GTF3C1: variants seen among roughly 807,000 people sequenced by gnomAD.
GTF3C1 encodes general transcription factor 3C polypeptide 1.
GTF3C1 carries 57 observed loss-of-function variants against 226.7 expected under a neutral mutation model. That is an observed-to-expected ratio of 0.25 (90% CI 0.20 to 0.31). GTF3C1 has a LOEUF of 0.31. Ranked by LOEUF, GTF3C1 falls within the 10% of genes least tolerant of loss-of-function variation. The probability of loss-of-function intolerance (pLI) is 1.00; values close to 1 mark genes in which losing one functional copy is unlikely to be tolerated. For synonymous variants in GTF3C1, 1,090 were observed against 1,084.8 expected, an observed-to-expected ratio of 1.00 and a Z score of -0.09; for missense variants, 2,217 against 2,776.1, an observed-to-expected ratio of 0.80 and a Z score of 4.53.
In GTF3C1 at chr16:27,507,330, A is replaced by T. The variant is rs187547991; in HGVS notation, c.1243-174T>A. On this transcript the variant is annotated intron_variant, in intron 8 of 36. Coordinates refer to ENST00000356183, the MANE Select transcript of GTF3C1 (RefSeq NM_001520.4). The surrounding 1 kb of genome is among the most constrained non-coding windows in gnomAD (Gnocchi z 4.9). ...TCCCTCCAGGCTCTTCCTCTCTGTA[A>T]TCCCCCAGGTCTTCCTTCCACAGAG... Among the ~76,000 whole-genome samples the T allele has an allele frequency of 6.6e-6, 1 of 151,736 alleles. No individual in the cohort carries two copies. Among genetic ancestry groups the T allele is most frequent in the Non-Finnish European group, 1.5e-5 (1 of 67,926 alleles).
At chr16:27,514,595 A>G (rs934918414) in intron 6 of GTF3C1, among the ~76,000 whole-genome samples, 2 of 151,972 alleles carry the variant, frequency 1.3e-5, no homozygotes, top group Non-Finnish European at 2.9e-5. Flanking sequence ...TGCTGCTCAC[A>G]TGAGCAACCT....
At chr16:27,521,213 C>T (rs533615035) in intron 6 of GTF3C1, among the ~76,000 whole-genome samples, 6 of 152,364 alleles carry the variant, frequency 3.9e-5, no homozygotes, top group Admixed American at 6.5e-5. Flanking sequence ...TCACCCTGTA[C>T]GGTCATTTCC....
Position 27,462,717 on chromosome 16 carries a change from G to A in GTF3C1, c.5925-231C>T. The A allele has an allele frequency of 1.9e-6, 1 of 515,826 alleles. No individual in the cohort carries two copies. Among genetic ancestry groups the A allele is most frequent in the Non-Finnish European group, 3.5e-6 (1 of 285,928 alleles). The allele number at this position is 515,826 out of a possible 1,614,324, so 32.0% of individuals were successfully genotyped here. On this transcript the variant is annotated intron_variant, in intron 35 of 36. Coordinates refer to ENST00000356183, the MANE Select transcript of GTF3C1 (RefSeq NM_001520.4). The surrounding 1 kb of genome is among the most constrained non-coding windows in gnomAD (Gnocchi z 4.5). ...ACGTGGTGTCCGCTCTGATGTAGCT[G>A]TAACTGAGGCCTCAGTGGGCCCACC...
intron 1 of GTF3C1, among the ~76,000 whole-genome samples, chr16:27,546,920 C>A (rs1279419974): frequency 6.6e-6 from 1 of 152,116 alleles, no homozygotes; most frequent in African/African-American, 2.4e-5. Flanking sequence ...GCACCTGCCA[C>A]CACACCCAGC....
chr16:27,514,939 GAC>G (rs1194954361), intron 6 of GTF3C1, among the ~76,000 whole-genome samples: 1 of 152,210 alleles, frequency 6.6e-6, no homozygotes, highest in Non-Finnish European at 1.5e-5. Context: ...GCAGCAGCAC[GAC>G]ACAGCACTTG....
At position 27,496,899 on chromosome 16, in the gene GTF3C1, T is replaced by C. The variant is rs116337197; in HGVS notation, c.2350+738A>G. Reference sequence around the variant, plus strand: ...CGAGTGCAAATGCTGTCTAGTTGCATGCACTCATGCTGCTGTTCCTCTTTC... The same window carrying C: ...CGAGTGCAAATGCTGTCTAGTTGCACGCACTCATGCTGCTGTTCCTCTTTC... On this transcript the variant is annotated intron_variant, in intron 14 of 36. Transcript: ENST00000356183. 7.0e-3 allele frequency among the ~76,000 whole-genome samples: 1,073 copies of C among 152,322 alleles called. 16 individuals are homozygous for C. The highest frequency in any genetic ancestry group is 0.025 in the African/African-American group (1,019 of 41,564).
chr16:27,505,776 G>T, intron 10 of GTF3C1, 123 bp downstream of exon 10: 1 of 661,904 alleles, frequency 1.5e-6, no homozygotes, highest in East Asian at 2.6e-5. Flanking sequence ...GCACAGGCAG[G>T]CCTCGGCACG....
intron 27 of GTF3C1, among the ~76,000 whole-genome samples, chr16:27,480,437 A>G (rs1473893226): frequency 1.3e-5 from 2 of 152,160 alleles, no homozygotes; most frequent in African/African-American, 2.4e-5. Context: ...GGTGAGACAT[A>G]CATTATCTGT....
rs921363063 is a variant in GTF3C1, at chr16:27,460,734, CTCT to C, written c.*613_*615del. 1 of 152,118 alleles carries C rather than the reference CTCT, an allele frequency of 6.6e-6. No individual in the cohort carries two copies. The highest frequency in any genetic ancestry group is 1.5e-5 in the Non-Finnish European group (1 of 68,032). 9.4% of individuals were successfully genotyped at this position (152,118 alleles called of 1,614,324 possible). ...CAAACAAAACCAAAACCTACAGGGA[CTCT>C]TCATTTCTGGCCTGCAAGGAATCAC... On this transcript the variant is annotated 3_prime_UTR_variant, in exon 37 of 37. Transcript: ENST00000356183.
At chr16:27,518,278 A>G (rs2141422210) in intron 6 of GTF3C1, among the ~76,000 whole-genome samples, 1 of 152,278 alleles carries the variant, frequency 6.6e-6, no homozygotes. Flanking sequence ...TTGCTGCAGC[A>G]CACACCCCAG....
chr16:27,480,374 A>G (rs2088024598), intron 27 of GTF3C1, among the ~76,000 whole-genome samples: 2 of 152,188 alleles, frequency 1.3e-5, no homozygotes, highest in Non-Finnish European at 2.9e-5. Flanking sequence ...TGGGCAAAGG[A>G]TATCAACTCT....
At chr16:27,534,448 A>T (rs2088969428) in intron 4 of GTF3C1, among the ~76,000 whole-genome samples, 1 of 152,186 alleles carries the variant, frequency 6.6e-6, no homozygotes, top group Non-Finnish European at 1.5e-5. Flanking sequence ...CCACTTCCCC[A>T]TCTGTACTGC....
intron 2 of GTF3C1, among the ~76,000 whole-genome samples, chr16:27,541,919 G>T (rs2089090090): frequency 6.6e-6 from 1 of 152,148 alleles, no homozygotes; most frequent in East Asian, 1.9e-4. Context: ...GGTAACTCTG[G>T]CCTATATCAC....
Position 27,464,478 on chromosome 16 carries a change from GC to G in GTF3C1, c.5713del (p.Ala1905GlnfsTer39), listed in dbSNP as rs1206383678. On this transcript the variant is annotated frameshift_variant, in exon 34 of 37. Transcript: ENST00000356183. LOFTEE classifies it high-confidence loss of function. ...PSLGPGAEDG[A>X]EAQAPSPPPA... ...GGGTGGAGATGGGGCCTGGGCTTCT[GC>G]CCCATCTTCAGCTCCGGGCCCAAGG... 2 of 1,562,826 alleles carry G rather than the reference GC, an allele frequency of 1.3e-6. No individual in the cohort carries two copies.
chr16:27,510,660 T>A (rs1173786878), intron 7 of GTF3C1, among the ~76,000 whole-genome samples: 2 of 152,198 alleles, frequency 1.3e-5, no homozygotes, highest in African/African-American at 2.4e-5. Flanking sequence ...CCAGAAAGGT[T>A]GGGCCGACCC....
rs2088260865 is a variant in GTF3C1, at chr16:27,493,309, T to A, written c.2779-13A>T. 1 of 1,436,850 alleles carries A rather than the reference T, an allele frequency of 7.0e-7. No homozygotes were observed. The highest frequency in any genetic ancestry group is 9.8e-7 in the Non-Finnish European group (1 of 1,017,698). 89.0% of individuals were successfully genotyped at this position (1,436,850 alleles called of 1,614,324 possible). The stretch of plus-strand genomic sequence containing the variant: ...CCAGGTTGTCCACCTGAAGAGGTGA[T>A]GTGCAGGTTCAGCTCGCCCTGAGGG... On this transcript the variant is annotated splice_polypyrimidine_tract_variant and intron_variant, in intron 16 of 36. Coordinates refer to ENST00000356183, the MANE Select transcript of GTF3C1 (RefSeq NM_001520.4).
Position 27,549,712 on chromosome 16 carries a change from T to C in GTF3C1, c.179A>G (p.Tyr60Cys), listed in dbSNP as rs766314361. The change falls in exon 1 of 37, where the codon TAT becomes TGT. Residue 60 changes from tyrosine (Y) to cysteine (C), a missense_variant. This residue lies in a region of GTF3C1 where 192 missense variants were observed against 251.8 expected (regional missense o/e 0.76). Coordinates refer to ENST00000356183, the MANE Select transcript of GTF3C1 (RefSeq NM_001520.4). Reference sequence around the variant, plus strand: ...GTCGGGTCGCTCCCGAGGCTCCTCATAGAAGCTGATGCCCGGGTGCGTGGC... The same window carrying C: ...GTCGGGTCGCTCCCGAGGCTCCTCACAGAAGCTGATGCCCGGGTGCGTGGC... Reference protein sequence around the residue: ...ALATHPGISFYEEPRERPDLQ... With the variant: ...ALATHPGISFCEEPRERPDLQ... 1.6e-5 allele frequency: 25 copies of C among 1,515,158 alleles called. No homozygotes were observed. In the Middle Eastern group the frequency reaches 6.2e-4, roughly 38 times the overall value. The allele number at this position is 1,515,158 out of a possible 1,614,324, so 93.9% of individuals were successfully genotyped here.
Position 27,501,257 on chromosome 16 carries a change from G to A in GTF3C1, c.1995C>T (p.Asn665=), listed in dbSNP as rs774442514. ...CKKSIVRLVR[N]LSEEGLLRLY... ...ATCGCAAGAGACCTTCCTCAGACAGGTTCCGCACCAAGCGGACAATGGACT... is the reference window on the plus strand; with the variant it reads ...ATCGCAAGAGACCTTCCTCAGACAGATTCCGCACCAAGCGGACAATGGACT... Residue 665 remains asparagine, a synonymous_variant, in exon 12 of 37, where the codon AAC becomes AAT. Coordinates refer to ENST00000356183, the MANE Select transcript of GTF3C1 (RefSeq NM_001520.4). The A allele has an allele frequency of 1.9e-6, 3 of 1,613,926 alleles. No homozygotes were observed. Among genetic ancestry groups the A allele is most frequent in the Non-Finnish European group, 2.5e-6 (3 of 1,179,814 alleles).
chr16:27,535,204 T>C (rs190240835), intron 4 of GTF3C1, among the ~76,000 whole-genome samples: 2 of 152,354 alleles, frequency 1.3e-5, no homozygotes, highest in East Asian at 3.9e-4. Flanking sequence ...CACAGTGTAC[T>C]ACTGTTAATA....
Sources: gnomAD v4.1 joint callset for allele counts (sites outside exome capture counted in the v4.1 genomes callset) on GRCh38, gnomAD v4.1.1 for gene constraint, gnomAD v4.1.1 regional missense constraint, Gnocchi (gnomAD v3.1) non-coding constraint, MANE v1.5 for transcripts, NCBI Gene and HGNC (gene_info 2026-07-23, HGNC 2026-07-21) for gene names.